Variants in GAS7 observed in about 807,000 individuals in gnomAD.
GAS7 encodes the protein growth arrest-specific protein 7.
Under a neutral mutation model 71.1 loss-of-function variants are expected in GAS7, and 28 were observed. The ratio of observed to expected loss-of-function variants is 0.39; its 90% CI spans 0.29 to 0.54. The LOEUF (loss-of-function observed/expected upper bound fraction) is 0.54. Among genes scored for constraint, GAS7 ranks in the 20% least tolerant of loss-of-function variants. The pLI is 0.62. For synonymous variants in GAS7, 258 were observed against 245.8 expected (o/e 1.05, Z -0.46); for missense variants, 436 against 627.8 (o/e 0.69, Z 3.27).
chr17:10,123,930 T>C (rs572045565), intron 1 of GAS7, among the ~76,000 whole-genome samples: 1 of 152,190 alleles, frequency 6.6e-6, no homozygotes, highest in Admixed American at 6.5e-5. Flanking sequence ...GGCCACACAA[T>C]GCACAAGAGG....
chr17:10,095,892 G>A (rs2073636764), intron 1 of GAS7, among the ~76,000 whole-genome samples: 2 of 151,844 alleles, frequency 1.3e-5, no homozygotes, highest in South Asian at 2.1e-4. Context: ...CTTTAACCCA[G>A]TCCTTTCCCT....
intron 1 of GAS7, among the ~76,000 whole-genome samples, chr17:10,038,479 T>C (rs2072799971): frequency 6.6e-6 from 1 of 152,200 alleles, no homozygotes; most frequent in South Asian, 2.1e-4. Context: ...GAAAATAGTG[T>C]GTTAATTCTT....
chr17:10,152,527 G>A (rs192491308), intron 1 of GAS7, among the ~76,000 whole-genome samples: 1 of 152,160 alleles, frequency 6.6e-6, no homozygotes, highest in Non-Finnish European at 1.5e-5. Context: ...GACCCACCTA[G>A]ACCGAGTGAC....
chr17:10,124,618 C>T (rs2099111837), intron 1 of GAS7, among the ~76,000 whole-genome samples: 1 of 152,150 alleles, frequency 6.6e-6, no homozygotes, highest in South Asian at 2.1e-4. Context: ...TACAACCTTT[C>T]TAAAGAGCAG....
chr17:9,971,282 C>T (rs1203280511), intron 3 of GAS7, among the ~76,000 whole-genome samples: 1 of 151,876 alleles, frequency 6.6e-6, no homozygotes, highest in Non-Finnish European at 1.5e-5. Context: ...GAGGAATGGC[C>T]AGGGGGCAGT....
At chr17:9,988,295 G>A (rs957872243) in intron 2 of GAS7, among the ~76,000 whole-genome samples, 2 of 152,308 alleles carry the variant, frequency 1.3e-5, no homozygotes, top group East Asian at 1.9e-4. Flanking sequence ...CTGCCACTCC[G>A]TTTCTCAGCC....
chr17:9,916,671 T>C lies in GAS7; in HGVS notation c.*557A>G. The C allele has an allele frequency of 3.0e-6, 1 of 334,062 alleles. No individual in the cohort carries two copies. The highest frequency in any genetic ancestry group is 5.4e-6 in the Non-Finnish European group (1 of 185,196). 20.7% of individuals were successfully genotyped at this position (334,062 alleles called of 1,614,324 possible). A position where few individuals can be genotyped will look rare whatever the true frequency, so the allele number is the denominator to read the frequency against. The stretch of plus-strand genomic sequence containing the variant: ...GCCTTCCTCCTAAAACCCCTGGTGA[T>C]GAACAGTGGCTGAGAAAGCCAGATG... On this transcript the variant is annotated 3_prime_UTR_variant, in exon 14 of 14. Coordinates refer to ENST00000432992, the MANE Select transcript of GAS7 (RefSeq NM_201433.2).
intron 1 of GAS7, among the ~76,000 whole-genome samples, chr17:10,080,374 C>T (rs949925229): frequency 2.0e-5 from 3 of 152,188 alleles, no homozygotes; most frequent in African/African-American, 4.8e-5. Context: ...CATGAATAAT[C>T]CACCCCTTAT....
intron 1 of GAS7, among the ~76,000 whole-genome samples, chr17:10,067,314 G>A (rs1044236136): frequency 2.0e-5 from 3 of 152,038 alleles, no homozygotes; most frequent in East Asian, 1.9e-4. Context: ...GCGCGATCTC[G>A]GCTCGCTGCA....
intron 2 of GAS7, among the ~76,000 whole-genome samples, chr17:9,982,727 G>C (rs776946051): frequency 6.6e-6 from 1 of 151,638 alleles, no homozygotes. Flanking sequence ...AGTGAGCCGA[G>C]ATTGTGCCAC....
At chr17:10,058,438 C>A (rs185565812) in intron 1 of GAS7, among the ~76,000 whole-genome samples, 2 of 148,236 alleles carry the variant, frequency 1.3e-5, no homozygotes, top group Non-Finnish European at 1.5e-5. Context: ...GGCTACAGAG[C>A]GAGACTCCGT....
At chr17:9,989,882 G>C (rs7216109) in intron 2 of GAS7, among the ~76,000 whole-genome samples, 62,357 of 152,100 alleles carry the variant, frequency 0.41, 14,326 homozygotes, top group African/African-American at 0.62. Flanking sequence ...CTGGGCAATT[G>C]TGCCTCAGGT....
At chr17:10,084,205 A>T (rs978003626) in intron 1 of GAS7, among the ~76,000 whole-genome samples, 1 of 152,264 alleles carries the variant, frequency 6.6e-6, no homozygotes, top group East Asian at 1.9e-4. Context: ...CTTTAAAAAT[A>T]TGGGTTATCA....
At chr17:10,018,362 T>C (rs1220429438) in intron 2 of GAS7, among the ~76,000 whole-genome samples, 2 of 152,216 alleles carry the variant, frequency 1.3e-5, no homozygotes, top group African/African-American at 2.4e-5. Flanking sequence ...AAATTATTCA[T>C]ATCCCCTAGC....
rs746882367 is a variant in GAS7 at position 9,915,831 on chromosome 17, C to G, written c.*1397G>C. 3.5e-5 allele frequency: 8 copies of G among 230,994 alleles called. No individual in the cohort carries two copies. The highest frequency in any genetic ancestry group is 1.1e-4 in the Admixed American group (2 of 17,726). The allele number at this position is 230,994 out of a possible 1,614,324, so 14.3% of individuals were successfully genotyped here. The stretch of plus-strand genomic sequence containing the variant: ...TCATGCTTCTCCCGGCCCCTTTAGA[C>G]TCTTTAGACTGACATGGTGGAGAAT... On this transcript the variant is annotated 3_prime_UTR_variant, in exon 14 of 14. Coordinates refer to ENST00000432992, the MANE Select transcript of GAS7 (RefSeq NM_201433.2).
chr17:9,954,442 G>A (rs866209835), intron 5 of GAS7, among the ~76,000 whole-genome samples: 6 of 143,184 alleles, frequency 4.2e-5, no homozygotes, highest in South Asian at 2.3e-4. Flanking sequence ...CGTGACTGTG[G>A]CCATCAGGGC....
At chr17:10,028,209 TTTC>T (rs1046323002) in intron 1 of GAS7, among the ~76,000 whole-genome samples, 2 of 152,138 alleles carry the variant, frequency 1.3e-5, no homozygotes, top group African/African-American at 4.8e-5. Flanking sequence ...GGCCTTAACA[TTTC>T]TTTTTTTTAA....
At chr17:10,052,946 T>C (rs1350974512) in intron 1 of GAS7, among the ~76,000 whole-genome samples, 1 of 152,162 alleles carries the variant, frequency 6.6e-6, no homozygotes, top group African/African-American at 2.4e-5. Flanking sequence ...ACAACAATAG[T>C]GTCATACTCA....
chr17:10,134,298 TG>T (rs2074022137), intron 1 of GAS7, among the ~76,000 whole-genome samples: 1 of 152,188 alleles, frequency 6.6e-6, no homozygotes, highest in Admixed American at 6.5e-5. Flanking sequence ...CCCAAAGTGC[TG>T]GGATTACAGG....
Sources: gnomAD v4.1 joint callset for allele counts (sites outside exome capture counted in the v4.1 genomes callset) on GRCh38, gnomAD v4.1.1 for gene constraint, MANE v1.5 for transcripts, NCBI Gene and HGNC (gene_info 2026-07-23, HGNC 2026-07-21) for gene names.